WIPI1: variants seen among roughly 807,000 people sequenced by gnomAD.
The protein encoded by WIPI1 is WD repeat domain, phosphoinositide interacting 1, also known as WD repeat domain phosphoinositide-interacting protein 1.
Under a neutral mutation model 55.3 loss-of-function variants are expected in WIPI1, and 45 were observed. That is an observed-to-expected ratio of 0.81 (90% CI 0.64 to 1.04). The LOEUF (loss-of-function observed/expected upper bound fraction) is 1.04. Ranked by LOEUF, WIPI1 falls within the 50% of genes least tolerant of loss-of-function variation. WIPI1 has a pLI of 0.00. For synonymous variants in WIPI1, 195 were observed against 217.6 expected (o/e 0.90, Z 0.92); for missense variants, 445 against 559.0 (o/e 0.80, Z 2.06).
At position 68,452,967 on chromosome 17, in the gene WIPI1, C is replaced by G. The variant is rs139044411; in HGVS notation, c.106G>C (p.Gly36Arg). Residue 36 changes from glycine (G) to arginine (R), a missense_variant, in exon 2 of 13, where the codon GGG becomes CGG. Coordinates refer to ENST00000262139, the MANE Select transcript of WIPI1 (RefSeq NM_017983.7). ...CTSLATGTKAGYKLFSLSSVE... is the reference protein window; with the variant it reads ...CTSLATGTKARYKLFSLSSVE... ...GAACTCAGAGAAAACAGCTTATACCCGGCTTTAGTTCCAGTTGCTAGGGAT... is the reference window on the plus strand; with the variant it reads ...GAACTCAGAGAAAACAGCTTATACCGGGCTTTAGTTCCAGTTGCTAGGGAT... 20 of 1,613,930 alleles carry G rather than the reference C, an allele frequency of 1.2e-5. No homozygotes were observed. The highest frequency in any genetic ancestry group is 1.6e-5 in the Non-Finnish European group (19 of 1,179,966).
chr17:68,439,510 A>G (rs79978460), intron 4 of WIPI1, among the ~76,000 whole-genome samples: 6,359 of 152,218 alleles, frequency 0.042, 407 homozygotes, highest in African/African-American at 0.13. Context: ...TAGAGGTACA[A>G]GGTTTGGGGC....
intron 6 of WIPI1, among the ~76,000 whole-genome samples, 153 bp from the exon 7 acceptor site, chr17:68,434,779 C>T (rs2083701915): frequency 6.6e-6 from 1 of 152,136 alleles, no homozygotes; most frequent in African/African-American, 2.4e-5. Flanking sequence ...ATTTATGTGC[C>T]ATATCAACAA....
chr17:68,437,562 A>T (rs114389135), intron 4 of WIPI1, among the ~76,000 whole-genome samples: 1,659 of 152,142 alleles, frequency 0.011, 28 homozygotes, highest in African/African-American at 0.037. Context: ...AAGAAAAAAA[A>T]AAAAAGAAAC....
At chr17:68,433,776 T>TTTTTTTTG (rs2083640816) in intron 7 of WIPI1, among the ~76,000 whole-genome samples, 1 of 63,124 alleles carries the variant, frequency 1.6e-5, no homozygotes, top group African/African-American at 5.1e-5. Flanking sequence ...TTTTTTTTTT[T>TTTTTTTTG]TTTTTTTTTT....
intron 3 of WIPI1, among the ~76,000 whole-genome samples, chr17:68,449,801 T>G (rs571439361): frequency 6.6e-6 from 1 of 152,298 alleles, no homozygotes; most frequent in South Asian, 2.1e-4. Context: ...CTCCGGTAGT[T>G]CTTTAGAGTA....
intron 4 of WIPI1, among the ~76,000 whole-genome samples, chr17:68,438,129 C>T (rs1041648405): frequency 2.0e-5 from 3 of 152,174 alleles, no homozygotes; most frequent in Non-Finnish European, 2.9e-5. Flanking sequence ...GAACCTAGGT[C>T]TCATTTCCTG....
chr17:68,426,233 C>T, intron 11 of WIPI1, 58 bp from the exon 12 acceptor site: 1 of 754,004 alleles, frequency 1.3e-6, no homozygotes, highest in Non-Finnish European at 1.9e-6. Flanking sequence ...TATGCCATGA[C>T]CTGGCGGGTG....
At chr17:68,448,946 A>T (rs778280378) in intron 3 of WIPI1, among the ~76,000 whole-genome samples, 3 of 152,102 alleles carry the variant, frequency 2.0e-5, no homozygotes, top group Non-Finnish European at 4.4e-5. Context: ...AAAAGGTCCC[A>T]CTTCTCTTTC....
intron 2 of WIPI1, among the ~76,000 whole-genome samples, chr17:68,452,291 G>A (rs973682275): frequency 9.2e-5 from 14 of 152,218 alleles, no homozygotes; most frequent in African/African-American, 1.4e-4. Flanking sequence ...GTGGCTGGGT[G>A]AGGTGGCTCA....
Position 68,444,492 on chromosome 17 carries a change from C to T in WIPI1, c.430+1G>A, listed in dbSNP as rs369851774. The T allele has an allele frequency of 7.4e-6, 12 of 1,612,508 alleles. No individual in the cohort carries two copies. The highest frequency in any genetic ancestry group is 1.0e-5 in the Non-Finnish European group (12 of 1,179,416). ...ACATTTGTTCCATTTTTGGAGCTCA[C>T]CTGTTGGGTTTGCAGGAATATCCAG... On this transcript the variant is annotated splice_donor_variant, in intron 4 of 12. Transcript: ENST00000262139. LOFTEE classifies it high-confidence loss of function.
At chr17:68,427,513 C>T (rs1403215071) in intron 10 of WIPI1, 6 of 267,712 alleles carry the variant, frequency 2.2e-5, no homozygotes, top group South Asian at 4.8e-5. Flanking sequence ...CCCACCACAG[C>T]GCCTGGCTAA....
intron 9 of WIPI1, among the ~76,000 whole-genome samples, chr17:68,429,735 C>T (rs755378716): frequency 5.3e-5 from 8 of 152,082 alleles, no homozygotes; most frequent in East Asian, 1.9e-4. Context: ...ACTACAGGCA[C>T]GCACCACCAT....
chr17:68,439,281 T>C (rs2083971735), intron 4 of WIPI1, among the ~76,000 whole-genome samples: 1 of 152,184 alleles, frequency 6.6e-6, no homozygotes. Context: ...ATTTTTATAA[T>C]AGAATATTAT....
At chr17:68,453,055 A>AAAGGC in intron 1 of WIPI1, 63 bp from the exon 2 acceptor site, 9 of 1,397,808 alleles carry the variant, frequency 6.4e-6, no homozygotes, top group Non-Finnish European at 9.1e-6. Flanking sequence ...TCTGTCTGCA[A>AAAGGC]ATAGATGCCT....
intron 12 of WIPI1, chr17:68,424,669 A>G: frequency 2.8e-6 from 1 of 361,888 alleles, no homozygotes; most frequent in South Asian, 2.0e-5. Flanking sequence ...TGAGGTCAGG[A>G]GTTTGAGACC....
Position 68,425,924 on chromosome 17 carries a change from C to T in WIPI1, c.1293+151G>A, listed in dbSNP as rs56196726. The stretch of plus-strand genomic sequence containing the variant: ...GTAGGATTCGAAGCACACAGTACAA[C>T]AAATATCCTATGGCTTTCCAAATAC... On this transcript the variant is annotated intron_variant, in intron 12 of 12. Transcript: ENST00000262139. 59 of 659,946 alleles carry T rather than the reference C, an allele frequency of 8.9e-5. 1 individual carries two copies. Among genetic ancestry groups the T allele is most frequent in the African/African-American group, 7.5e-4 (41 of 55,004 alleles). The allele number at this position is 659,946 out of a possible 1,614,324, so 40.9% of individuals were successfully genotyped here.
rs898293839 is a variant in WIPI1 at position 68,457,496 on chromosome 17, C to G, written c.-75G>C. 2 of 1,276,182 alleles carry G rather than the reference C, an allele frequency of 1.6e-6. No homozygotes were observed. The highest frequency in any genetic ancestry group is 3.9e-5 in the South Asian group (2 of 51,480). 79.1% of individuals were successfully genotyped at this position (1,276,182 alleles called of 1,614,324 possible). A position where few individuals can be genotyped will look rare whatever the true frequency, so the allele number is the denominator to read the frequency against. The stretch of plus-strand genomic sequence containing the variant: ...CAGCAGCCCGCCCGCGCCGGCTCCA[C>G]GGGCCGGGTCGCCGGTCCTGCCCCG... On this transcript the variant is annotated 5_prime_UTR_variant, in exon 1 of 13. Coordinates refer to ENST00000262139, the MANE Select transcript of WIPI1 (RefSeq NM_017983.7).
At chr17:68,437,573 C>G (rs957508237) in intron 4 of WIPI1, among the ~76,000 whole-genome samples, 1 of 151,514 alleles carries the variant, frequency 6.6e-6, no homozygotes, top group Non-Finnish European at 1.5e-5. Context: ...AAAAAGAAAC[C>G]GAGCAATTTC....
At chr17:68,452,810 G>A in intron 2 of WIPI1, 100 bp downstream of exon 2, 1 of 1,063,728 alleles carries the variant, frequency 9.4e-7, no homozygotes, top group Middle Eastern at 3.0e-4. Flanking sequence ...GATGGCTAAG[G>A]AAGGGAAAAA....
Sources: allele counts gnomAD v4.1 joint callset (sites outside exome capture counted in the v4.1 genomes callset), GRCh38; gene constraint gnomAD v4.1.1; transcripts MANE v1.5; gene names NCBI Gene and HGNC (gene_info 2026-07-23, HGNC 2026-07-21).